Variants in TDP2 observed in about 807,000 individuals in gnomAD.
TDP2 encodes tyrosyl-DNA phosphodiesterase 2, also known as 5'-Tyr-DNA phosphodiesterase.
In TDP2, 38 loss-of-function variants were observed where a neutral mutation model predicts 42.8. That is an observed-to-expected ratio of 0.89 (90% CI 0.68 to 1.16). The LOEUF is 1.16. TDP2 is among the 50% of genes most tolerant of loss of function. TDP2 has a pLI of 0.00. For missense variants in TDP2, 439 were observed against 439.3 expected (o/e 1.00, Z 0.01); for synonymous variants, 173 against 150.6 (o/e 1.15, Z -1.09).
chr6:24,657,526 A>C (rs937073687), intron 4 of TDP2, among the ~76,000 whole-genome samples: 2 of 152,214 alleles, frequency 1.3e-5, no homozygotes, highest in Non-Finnish European at 2.9e-5. Flanking sequence ...TGATTATTTC[A>C]GTTAAAACTT....
intron 2 of TDP2, chr6:24,658,984 G>A: frequency 2.9e-6 from 1 of 348,908 alleles, no homozygotes; most frequent in Non-Finnish European, 5.2e-6. Context: ...CTGATGACTT[G>A]CATCCCCATT....
chr6:24,665,413 G>C (rs1449716994), intron 2 of TDP2, among the ~76,000 whole-genome samples: 1 of 152,176 alleles, frequency 6.6e-6, no homozygotes, highest in Non-Finnish European at 1.5e-5. Context: ...CTGTGGGTGA[G>C]TAAACAATTC....
intron 2 of TDP2, among the ~76,000 whole-genome samples, chr6:24,660,633 A>G (rs1778126826): frequency 6.6e-6 from 1 of 152,160 alleles, no homozygotes; most frequent in African/African-American, 2.4e-5. Flanking sequence ...TCATTGATAT[A>G]AGTTTTTCTT....
chr6:24,663,769 C>CAGT (rs1209721841), intron 2 of TDP2, among the ~76,000 whole-genome samples: 1 of 152,194 alleles, frequency 6.6e-6, no homozygotes, highest in African/African-American at 2.4e-5. Flanking sequence ...GCCATGCTTC[C>CAGT]AGTAGAGCCT....
Position 24,650,065 on chromosome 6 carries a change from C to G in TDP2, c.*723G>C, listed in dbSNP as rs1777945733. On this transcript the variant is annotated 3_prime_UTR_variant, in exon 7 of 7. Coordinates refer to ENST00000378198, the MANE Select transcript of TDP2 (RefSeq NM_016614.3). ...CTTAAAAGTAATTTGCATTTACTTCCTGTAAAGCATTTCCATTTCACAATT... is the reference window on the plus strand; with the variant it reads ...CTTAAAAGTAATTTGCATTTACTTCGTGTAAAGCATTTCCATTTCACAATT... The G allele has an allele frequency of 6.6e-6, 1 of 152,026 alleles. No individual in the cohort carries two copies. The highest frequency in any genetic ancestry group is 6.5e-5 in the Admixed American group (1 of 15,270). The allele number at this position is 152,026 out of a possible 1,614,324, so 9.4% of individuals were successfully genotyped here.
chr6:24,662,520 GAC>G (rs1778166928), intron 2 of TDP2, among the ~76,000 whole-genome samples: 1 of 151,960 alleles, frequency 6.6e-6, no homozygotes, highest in Admixed American at 6.6e-5. Context: ...ACTTATTTAT[GAC>G]ACAGAGTCCT....
intron 4 of TDP2, among the ~76,000 whole-genome samples, chr6:24,654,908 C>T (rs1486330999): frequency 1.3e-5 from 2 of 152,134 alleles, no homozygotes; most frequent in African/African-American, 4.8e-5. Flanking sequence ...CGTGGTGGCA[C>T]ATGCCTGTAA....
At chr6:24,665,091 A>G (rs1200299465) in intron 2 of TDP2, among the ~76,000 whole-genome samples, 1 of 152,194 alleles carries the variant, frequency 6.6e-6, no homozygotes, top group Non-Finnish European at 1.5e-5. Flanking sequence ...CCTGGTACAG[A>G]AATACAGCCA....
chr6:24,650,078 C>G lies in TDP2; in HGVS notation c.*710G>C, dbSNP rs1010134845. The G allele has an allele frequency of 6.6e-6, 1 of 152,192 alleles. No homozygotes were observed. The highest frequency in any genetic ancestry group is 1.5e-5 in the Non-Finnish European group (1 of 68,028). The allele number at this position is 152,192 out of a possible 1,614,324, so 9.4% of individuals were successfully genotyped here. A position where few individuals can be genotyped will look rare whatever the true frequency, so the allele number is the denominator to read the frequency against. On this transcript the variant is annotated 3_prime_UTR_variant, in exon 7 of 7. Coordinates refer to ENST00000378198, the MANE Select transcript of TDP2 (RefSeq NM_016614.3). Reference sequence around the variant, plus strand: ...TGCATTTACTTCCTGTAAAGCATTTCCATTTCACAATTAGCAAAACTAAAA... The same window carrying G: ...TGCATTTACTTCCTGTAAAGCATTTGCATTTCACAATTAGCAAAACTAAAA...
rs768275898 is a variant in TDP2, at chr6:24,653,115, G to T, written c.675C>A (p.Ser225=). ...VSGNELCLMT[S]HLESTRGHAA... Reference sequence around the variant, plus strand: ...CATGCCCTCTGGTGCTCTCCAAATGGGATGTCATAAGGCAAAGCTCATTTC... The same window carrying T: ...CATGCCCTCTGGTGCTCTCCAAATGTGATGTCATAAGGCAAAGCTCATTTC... Residue 225 remains serine, a synonymous_variant, in exon 6 of 7, where the codon TCC becomes TCA. Coordinates refer to ENST00000378198, the MANE Select transcript of TDP2 (RefSeq NM_016614.3). 2.5e-6 allele frequency: 4 copies of T among 1,614,096 alleles called. No homozygotes were observed. Among genetic ancestry groups the T allele is most frequent in the Non-Finnish European group, 3.4e-6 (4 of 1,180,026 alleles).
In TDP2 at chr6:24,657,868, A is replaced by T; in HGVS notation, c.461T>A (p.Ile154Asn). The T allele has an allele frequency of 6.3e-7, 1 of 1,585,500 alleles. No homozygotes were observed. Among genetic ancestry groups the T allele is most frequent in the Non-Finnish European group, 8.6e-7 (1 of 1,164,712 alleles). The change falls in exon 4 of 7, where the codon ATT becomes AAT. Residue 154 changes from isoleucine (I) to asparagine (N), a missense_variant. By Grantham distance (149) the Ile-to-Asn change is moderately radical. Transcript: ENST00000378198. ...CTTTAGGTAGCTATAATATGGGGGA[A>T]TAACTTCCTGTAGAAATATCACATC... ...SPDVIFLQEV[I>N]PPYYSYLKKR...
Position 24,650,349 on chromosome 6 carries a change from G to A in TDP2, c.*439C>T, listed in dbSNP as rs567903540. The A allele has an allele frequency of 9.6e-4, 152 of 157,596 alleles. No homozygotes were observed. Among genetic ancestry groups the A allele is most frequent in the Non-Finnish European group, 1.6e-3 (115 of 71,826 alleles). 9.8% of individuals were successfully genotyped at this position (157,596 alleles called of 1,614,324 possible). ...CATCTACTTAACTGCAGATAATCAT[G>A]GCATTTTCATTTAAGATGATCTGAA... On this transcript the variant is annotated 3_prime_UTR_variant, in exon 7 of 7. Transcript: ENST00000378198.
Position 24,664,330 on chromosome 6 carries a change from T to TTA in TDP2, c.251+2195_251+2196insTA, listed in dbSNP as rs1554188692. Among the ~76,000 whole-genome samples, 206 of 78,868 alleles carry TTA rather than the reference T, an allele frequency of 2.6e-3. 3 individuals are homozygous for TTA. Among genetic ancestry groups the TTA allele is most frequent in the Non-Finnish European group, 4.0e-3 (130 of 32,652 alleles). 51.7% of individuals were successfully genotyped at this position (78,868 alleles called of 152,430 possible). A position where few individuals can be genotyped will look rare whatever the true frequency, so the allele number is the denominator to read the frequency against. On this transcript the variant is annotated intron_variant, in intron 2 of 6. Coordinates refer to ENST00000378198, the MANE Select transcript of TDP2 (RefSeq NM_016614.3). ...GCATTAGAATTACCTGCACAGCTAA[T>TTA]AAAAAAAAAAAAAAAAGCCAATAAG... is the stretch of plus-strand genomic sequence containing the variant.
At chr6:24,658,895 C>G in intron 2 of TDP2, 161 bp from the exon 3 acceptor site, 1 of 683,646 alleles carries the variant, frequency 1.5e-6, no homozygotes, top group South Asian at 2.0e-5. Context: ...AGGTTCTAGA[C>G]AGAAATATAA....
In TDP2 at chr6:24,650,543, T is replaced by C. The variant is rs1167196296; in HGVS notation, c.*245A>G. 6 of 484,618 alleles carry C rather than the reference T, an allele frequency of 1.2e-5. No homozygotes were observed. The highest frequency in any genetic ancestry group is 3.7e-5 in the East Asian group (1 of 27,362). 30.0% of individuals were successfully genotyped at this position (484,618 alleles called of 1,614,324 possible). On this transcript the variant is annotated 3_prime_UTR_variant, in exon 7 of 7. Transcript: ENST00000378198. ...ATCCAGCTGGCAGCTATAAGCACCG[T>C]TGAAAACTCTGACAGGCTTTGTGCC...
intron 2 of TDP2, among the ~76,000 whole-genome samples, chr6:24,663,132 G>C (rs533066188): frequency 6.6e-6 from 1 of 152,164 alleles, no homozygotes; most frequent in Admixed American, 6.5e-5. Context: ...GCATGATGGT[G>C]TCATTAATCA....
chr6:24,666,010 G>T (rs1778226934), intron 2 of TDP2: 1 of 1,423,110 alleles, frequency 7.0e-7, no homozygotes, highest in African/African-American at 1.4e-5. Flanking sequence ...GAGCCAAATA[G>T]TAGAGGGCCT....
chr6:24,656,343 A>G (rs7768291), intron 4 of TDP2, among the ~76,000 whole-genome samples: 26,087 of 151,962 alleles, frequency 0.17, 2,417 homozygotes, highest in Middle Eastern at 0.27. Context: ...TCCACCGTTT[A>G]ACAGAGGGAA....
intron 2 of TDP2, among the ~76,000 whole-genome samples, chr6:24,661,635 G>C (rs985353593): frequency 6.6e-6 from 1 of 152,106 alleles, no homozygotes; most frequent in African/African-American, 2.4e-5. Flanking sequence ...GCCATGATCT[G>C]GGTGCTAGAT....
Sources: gnomAD v4.1 joint callset for allele counts (sites outside exome capture counted in the v4.1 genomes callset) on GRCh38, gnomAD v4.1.1 for gene constraint, MANE v1.5 for transcripts, NCBI Gene and HGNC (gene_info 2026-07-23, HGNC 2026-07-21) for gene names.